Variants in NHSL1 observed in about 807,000 individuals in gnomAD.
NHSL1 encodes the protein NHS-like protein 1.
In NHSL1, 48 loss-of-function variants were observed where a neutral mutation model predicts 95.0. The ratio of observed to expected loss-of-function variants is 0.51; its 90% CI spans 0.40 to 0.64. The LOEUF (loss-of-function observed/expected upper bound fraction) is 0.64. NHSL1 is among the 30% of genes least tolerant of loss of function. The pLI, the probability that NHSL1 is intolerant of heterozygous loss-of-function variation, is 0.00. For missense variants in NHSL1, 1,971 were observed against 2,077.7 expected, an observed-to-expected ratio of 0.95 and a Z score of 1.00; for synonymous variants, 783 against 833.9, an observed-to-expected ratio of 0.94 and a Z score of 1.05.
chr6:138,547,678 C>T (rs1049587882), upstream of NHSL1, among the ~76,000 whole-genome samples: 4 of 152,008 alleles, frequency 2.6e-5, no homozygotes, highest in South Asian at 2.1e-4. Flanking sequence ...CCACCATCCC[C>T]GGCCTGATAT....
chr6:138,652,724 G>A (rs539282836), intron 1 of NHSL1, among the ~76,000 whole-genome samples: 14 of 152,068 alleles, frequency 9.2e-5, no homozygotes, highest in African/African-American at 3.4e-4. Flanking sequence ...CCTCTAAAAG[G>A]GGAGAAACAC....
At chr6:138,589,375 G>A (rs924832983) in intron 1 of NHSL1, among the ~76,000 whole-genome samples, 1 of 152,138 alleles carries the variant, frequency 6.6e-6, no homozygotes, top group Non-Finnish European at 1.5e-5. Flanking sequence ...CAGAGCATGT[G>A]AGGAGAGGAC....
chr6:138,634,619 C>T (rs1485212894), intron 1 of NHSL1, among the ~76,000 whole-genome samples: 3 of 152,086 alleles, frequency 2.0e-5, no homozygotes, highest in South Asian at 2.1e-4. Context: ...ACTTCAACAC[C>T]CCACTTTCAG....
chr6:138,567,855 G>C (rs528033743), intron 1 of NHSL1, among the ~76,000 whole-genome samples: 5 of 152,158 alleles, frequency 3.3e-5, no homozygotes, highest in African/African-American at 4.8e-5. Flanking sequence ...ATTGTTCAAA[G>C]CAAGGCTTTG....
chr6:138,479,005 G>T (rs1779257279), intron 2 of NHSL1, among the ~76,000 whole-genome samples: 1 of 152,122 alleles, frequency 6.6e-6, no homozygotes, highest in African/African-American at 2.4e-5. Context: ...AAATCTCTAT[G>T]CATTAAGCTA....
chr6:138,472,183 C>CAAA (rs10668786), intron 3 of NHSL1, among the ~76,000 whole-genome samples: 2,937 of 92,336 alleles, frequency 0.032, 62 homozygotes, highest in African/African-American at 0.063. Flanking sequence ...AAGATCTCAC[C>CAAA]AAAAAAAAAA....
At chr6:138,448,707 T>C (rs921946527) in intron 3 of NHSL1, among the ~76,000 whole-genome samples, 26 of 152,220 alleles carry the variant, frequency 1.7e-4, no homozygotes, top group African/African-American at 6.0e-4. Context: ...TTTCTGGATT[T>C]AAGGCAAGTC....
intron 1 of NHSL1, among the ~76,000 whole-genome samples, chr6:138,515,983 T>C (rs918733683): frequency 2.0e-5 from 3 of 152,200 alleles, no homozygotes; most frequent in African/African-American, 7.2e-5. Flanking sequence ...TGCACCACAA[T>C]GAGAGGCTGG....
At chr6:138,502,250 G>A (rs9484165), upstream of NHSL1, among the ~76,000 whole-genome samples, 3,195 of 152,232 alleles carry the variant, frequency 0.021, 110 homozygotes, top group African/African-American at 0.072. Flanking sequence ...TTATTAATTA[G>A]AAAGTTTACC....
At chr6:138,455,111 C>A (rs1173930890) in intron 3 of NHSL1, among the ~76,000 whole-genome samples, 1 of 152,194 alleles carries the variant, frequency 6.6e-6, no homozygotes, top group Non-Finnish European at 1.5e-5. Flanking sequence ...TTTTTGTCTG[C>A]AATGGCATGG....
rs1282507051 is a variant in NHSL1, at chr6:138,626,737, C to A, written c.96+65739G>T. Among the ~76,000 whole-genome samples, 3 of 116,192 alleles carry A rather than the reference C, an allele frequency of 2.6e-5. 1 individual carries two copies. Among genetic ancestry groups the A allele is most frequent in the African/African-American group, 3.7e-5 (1 of 26,694 alleles). The allele number at this position is 116,192 out of a possible 152,430, so 76.2% of individuals were successfully genotyped here. Reference sequence around the variant, plus strand: ...TGAAACCCCGTCTCTACTAAAAATACAAAAAAATTAGCCGGGCGTAGTGGC... The same window carrying A: ...TGAAACCCCGTCTCTACTAAAAATAAAAAAAAATTAGCCGGGCGTAGTGGC... On this transcript the variant is annotated intron_variant, in intron 1 of 3. Coordinates refer to the NHSL1 transcript ENST00000491526.
chr6:138,640,145 T>C (rs1008522011), intron 1 of NHSL1, among the ~76,000 whole-genome samples: 4 of 152,086 alleles, frequency 2.6e-5, no homozygotes, highest in Non-Finnish European at 5.9e-5. Flanking sequence ...TATGGATTAG[T>C]TTTTCTCCAT....
chr6:138,475,768 A>C (rs1384936537), intron 2 of NHSL1, among the ~76,000 whole-genome samples: 1 of 152,040 alleles, frequency 6.6e-6, no homozygotes, highest in Admixed American at 6.6e-5. Flanking sequence ...CAACATGGCA[A>C]AACCCCGTCT....
chr6:138,500,046 A>G (rs1159680301), upstream of NHSL1, among the ~76,000 whole-genome samples: 1 of 152,070 alleles, frequency 6.6e-6, no homozygotes, highest in African/African-American at 2.4e-5. Context: ...GTTCCAAAGC[A>G]TGATCTTATT....
At chr6:138,650,474 C>A in intron 1 of NHSL1, 1 of 913,422 alleles carries the variant, frequency 1.1e-6, no homozygotes, top group Non-Finnish European at 1.8e-6. Context: ...TGGCCAGGGC[C>A]TGGTGGAGGC....
At chr6:138,656,966 T>C (rs529751785) in intron 1 of NHSL1, among the ~76,000 whole-genome samples, 46 of 152,322 alleles carry the variant, frequency 3.0e-4, no homozygotes, top group African/African-American at 1.0e-3. Flanking sequence ...CTCATTCATA[T>C]GTGGATTTAT....
upstream of NHSL1, among the ~76,000 whole-genome samples, chr6:138,692,862 C>T (rs1430962143): frequency 1.3e-5 from 2 of 150,956 alleles, no homozygotes; most frequent in Non-Finnish European, 3.0e-5. The surrounding 1 kb of genome is among the most constrained non-coding windows in gnomAD (Gnocchi z 4.0). Flanking sequence ...CGGGCAGCGG[C>T]GGGGCGCCGA....
intron 1 of NHSL1, among the ~76,000 whole-genome samples, chr6:138,571,193 G>A (rs754341201): frequency 1.3e-5 from 2 of 152,198 alleles, no homozygotes; most frequent in Non-Finnish European, 2.9e-5. Context: ...CAACATATCA[G>A]TGTTAAGCCC....
intron 3 of NHSL1, among the ~76,000 whole-genome samples, chr6:138,452,334 G>A (rs1777290530): frequency 6.6e-6 from 1 of 152,098 alleles, no homozygotes; most frequent in Non-Finnish European, 1.5e-5. Flanking sequence ...GACAGTGTGG[G>A]GCCTGAAATA....
Sources: allele counts gnomAD v4.1 joint callset (sites outside exome capture counted in the v4.1 genomes callset), GRCh38; gene constraint gnomAD v4.1.1; non-coding constraint Gnocchi (gnomAD v3.1); transcripts MANE v1.5; gene names NCBI Gene and HGNC (gene_info 2026-07-23, HGNC 2026-07-21).